The following COL5A2 variants were observed in gnomAD, a reference collection of about 807,000 sequenced individuals.
COL5A2 encodes collagen alpha-2(V) chain.
In COL5A2, 23 loss-of-function variants were observed where a neutral mutation model predicts 208.2. The observed-to-expected ratio is 0.11, with a 90% CI of 0.08 to 0.16. The LOEUF is 0.16. COL5A2 is among the 10% of genes least tolerant of loss of function. COL5A2 has a pLI of 1.00. For missense variants in COL5A2, 1,590 were observed against 1,956.4 expected (o/e 0.81, Z 3.53); for synonymous variants, 625 against 628.5 (o/e 0.99, Z 0.08).
chr2:189,039,724 A>G (rs773236465), intron 50 of COL5A2, among the ~76,000 whole-genome samples, 161 bp from the exon 51 acceptor site: 11 of 152,060 alleles, frequency 7.2e-5, no homozygotes, highest in Non-Finnish European at 1.5e-4. Context: ...GTGGTCTAAC[A>G]GGCTGTAACA....
intron 47 of COL5A2, among the ~76,000 whole-genome samples, chr2:189,043,883 G>A (rs1247691009): frequency 6.6e-6 from 1 of 152,158 alleles, no homozygotes; most frequent in Non-Finnish European, 1.5e-5. Context: ...TTGATGCTAA[G>A]CTTGATCTAC....
the COL5A2 span, among the ~76,000 whole-genome samples, chr2:189,438,607 A>G: frequency 6.6e-6 from 1 of 152,194 alleles, no homozygotes; most frequent in Non-Finnish European, 1.5e-5. Context: ...CCATTTATAC[A>G]TGGCTTTCTG....
chr2:189,274,137 A>G, the COL5A2 span, among the ~76,000 whole-genome samples: 2 of 152,152 alleles, frequency 1.3e-5, no homozygotes, highest in African/African-American at 4.8e-5. Flanking sequence ...GTCAATAAAA[A>G]TATTTTTTAA....
chr2:189,278,896 A>T, the COL5A2 span, among the ~76,000 whole-genome samples: 1 of 151,998 alleles, frequency 6.6e-6, no homozygotes, highest in Non-Finnish European at 1.5e-5. Flanking sequence ...TTTCATAACT[A>T]TCATCTCTAA....
At chr2:189,378,869 C>T in the COL5A2 span, among the ~76,000 whole-genome samples, 2 of 151,716 alleles carry the variant, frequency 1.3e-5, no homozygotes, top group Non-Finnish European at 2.9e-5. Context: ...TAAATTTTAC[C>T]CTCAACAATT....
chr2:189,089,105 A>T (rs1686728390), intron 7 of COL5A2, among the ~76,000 whole-genome samples: 2 of 152,164 alleles, frequency 1.3e-5, no homozygotes, highest in African/African-American at 4.8e-5. Context: ...TCTTTAACTG[A>T]TTTCTTCCCA....
intron 1 of COL5A2, among the ~76,000 whole-genome samples, chr2:189,138,733 G>A (rs1322002848): frequency 6.6e-6 from 1 of 152,054 alleles, no homozygotes; most frequent in African/African-American, 2.4e-5. Flanking sequence ...ACACAAAAAA[G>A]CCCACATGAT....
intron 21 of COL5A2, among the ~76,000 whole-genome samples, 196 bp downstream of exon 21, chr2:189,067,819 C>T (rs1321461501): frequency 6.6e-6 from 1 of 152,148 alleles, no homozygotes; most frequent in Non-Finnish European, 1.5e-5. Flanking sequence ...TAACATACTG[C>T]AATAATGTTC....
chr2:189,437,267 T>C, the COL5A2 span, among the ~76,000 whole-genome samples: 4 of 152,308 alleles, frequency 2.6e-5, no homozygotes, highest in South Asian at 6.2e-4. Flanking sequence ...CATTTGTATA[T>C]AGAGCTGCCA....
At chr2:189,303,720 C>T in the COL5A2 span, among the ~76,000 whole-genome samples, 1 of 152,206 alleles carries the variant, frequency 6.6e-6, no homozygotes, top group Non-Finnish European at 1.5e-5. Context: ...TCATAGACTG[C>T]TGAATGTTCA....
chr2:189,150,462 T>C (rs1216774200), intron 1 of COL5A2, among the ~76,000 whole-genome samples: 1 of 152,168 alleles, frequency 6.6e-6, no homozygotes, highest in African/African-American at 2.4e-5. Flanking sequence ...GGAGTTCTCT[T>C]GGACATGCTA....
chr2:189,271,479 C>A, the COL5A2 span, among the ~76,000 whole-genome samples: 249 of 152,248 alleles, frequency 1.6e-3, 1 homozygote, highest in African/African-American at 5.6e-3. Context: ...AACTGGACCC[C>A]TTCCTTACAC....
intron 1 of COL5A2, among the ~76,000 whole-genome samples, chr2:189,119,276 G>A (rs1323748829): frequency 6.6e-6 from 1 of 152,086 alleles, no homozygotes; most frequent in Non-Finnish European, 1.5e-5. Flanking sequence ...GAAGGAGGGA[G>A]AGGGGTAGAG....
chr2:189,324,741 T>C, the COL5A2 span, among the ~76,000 whole-genome samples: 1 of 152,184 alleles, frequency 6.6e-6, no homozygotes, highest in African/African-American at 2.4e-5. Context: ...AGTTCAACCA[T>C]TGTGGAAGAC....
chr2:189,112,249 T>G (rs1283729252), intron 1 of COL5A2, among the ~76,000 whole-genome samples: 1 of 152,208 alleles, frequency 6.6e-6, no homozygotes, highest in Non-Finnish European at 1.5e-5. Flanking sequence ...GAATCTAAAC[T>G]ACGGTAAACT....
chr2:189,051,571 TG>T, intron 41 of COL5A2, 90 bp from the exon 42 acceptor site: 1 of 1,190,286 alleles, frequency 8.4e-7, no homozygotes, highest in Non-Finnish European at 1.1e-6. Context: ...CAGATGCAGA[TG>T]TCCAAGCCTC....
At chr2:189,216,778 G>A (rs1236179183) in intron 1 of COL5A2, among the ~76,000 whole-genome samples, 1 of 152,066 alleles carries the variant, frequency 6.6e-6, no homozygotes, top group Non-Finnish European at 1.5e-5. Flanking sequence ...AACTAAATAA[G>A]TTTAATAACA....
intron 19 of COL5A2, 125 bp from the exon 20 acceptor site, chr2:189,068,395 A>T (rs1180019306): frequency 2.8e-5 from 23 of 822,320 alleles, no homozygotes; most frequent in Non-Finnish European, 4.1e-5. Context: ...ATCAACCACC[A>T]TTATATCATA....
chr2:189,050,486 T>C (rs1307586817), intron 43 of COL5A2, 83 bp downstream of exon 43: 5 of 1,163,124 alleles, frequency 4.3e-6, no homozygotes, highest in African/African-American at 1.5e-5. Flanking sequence ...AATCTATTCA[T>C]CAAGCAAAAA....
Sources: gnomAD v4.1 joint callset for allele counts (sites outside exome capture counted in the v4.1 genomes callset) on GRCh38, gnomAD v4.1.1 for gene constraint, MANE v1.5 for transcripts, NCBI Gene and HGNC (gene_info 2026-07-23, HGNC 2026-07-21) for gene names.